The following RBFOX3 variants were observed in gnomAD, a reference collection of about 807,000 sequenced individuals.
RBFOX3 encodes the protein RNA binding protein fox-1 homolog 3.
A neutral mutation model predicts 48.7 loss-of-function variants in RBFOX3; 17 were observed. The observed-to-expected ratio is 0.35, with a 90% CI of 0.24 to 0.52. RBFOX3 has a LOEUF of 0.52. Among genes scored for constraint, RBFOX3 ranks in the 20% least tolerant of loss-of-function variants. The pLI, the probability that RBFOX3 is intolerant of heterozygous loss-of-function variation, is 0.94. For synonymous variants in RBFOX3, 212 were observed against 209.5 expected (o/e 1.01, Z -0.10); for missense variants, 382 against 497.5 (o/e 0.77, Z 2.21).
At chr17:79,310,552 A>T (rs538508574) in intron 2 of RBFOX3, among the ~76,000 whole-genome samples, 31 of 151,886 alleles carry the variant, frequency 2.0e-4, no homozygotes, top group African/African-American at 7.2e-4. Flanking sequence ...CTTCTAGGAC[A>T]GTCAGCAGTG....
At chr17:79,196,055 G>A (rs986191787) in intron 4 of RBFOX3, among the ~76,000 whole-genome samples, 4 of 152,278 alleles carry the variant, frequency 2.6e-5, no homozygotes, top group Admixed American at 1.3e-4. Context: ...GAAGGAAGTG[G>A]GAGGGTGAAT....
At chr17:79,187,540 T>TG (rs1386522300) in intron 4 of RBFOX3, among the ~76,000 whole-genome samples, 1 of 151,842 alleles carries the variant, frequency 6.6e-6, no homozygotes, top group Non-Finnish European at 1.5e-5. Flanking sequence ...GCATGAGCAC[T>TG]GGGGGACGAA....
At chr17:79,518,059 C>T (rs1452493145) in intron 1 of RBFOX3, among the ~76,000 whole-genome samples, 3 of 152,312 alleles carry the variant, frequency 2.0e-5, no homozygotes, top group Non-Finnish European at 2.9e-5. Context: ...CTACATCCTC[C>T]GTCTCTCCCC....
chr17:79,594,558 A>G (rs895009058), intron 1 of RBFOX3, among the ~76,000 whole-genome samples: 4 of 151,950 alleles, frequency 2.6e-5, no homozygotes, highest in Middle Eastern at 3.4e-3. Context: ...CGCAGGGAGG[A>G]CTCGAGCCAC....
rs116206947 is a variant in RBFOX3 at position 79,146,462 on chromosome 17, C to A, written c.-33-30714G>T. Among the ~76,000 whole-genome samples the A allele has an allele frequency of 1.2e-3, 182 of 152,348 alleles. 1 individual carries two copies. Among genetic ancestry groups the A allele is most frequent in the African/African-American group, 4.1e-3 (170 of 41,582 alleles). On this transcript the variant is annotated intron_variant, in intron 4 of 14. Coordinates refer to ENST00000693108, the MANE Select transcript of RBFOX3 (RefSeq NM_001350451.2). ...AATGGGTGTTGCTTGGACTTGAACT[C>A]AAGACCTGGGTTTAGTCTTAGCCCT...
intron 4 of RBFOX3, among the ~76,000 whole-genome samples, chr17:79,148,102 A>G (rs1010416120): frequency 6.6e-6 from 1 of 152,218 alleles, no homozygotes; most frequent in African/African-American, 2.4e-5. Context: ...GTGCGGCCCT[A>G]AAGACCCAGA....
At chr17:79,539,808 T>C (rs1555789677) in intron 1 of RBFOX3, among the ~76,000 whole-genome samples, 2 of 152,242 alleles carry the variant, frequency 1.3e-5, no homozygotes, top group African/African-American at 4.8e-5. Flanking sequence ...CTCTCTATGC[T>C]ATTACAGGTA....
chr17:79,509,525 A>G (rs1598990727), intron 1 of RBFOX3, among the ~76,000 whole-genome samples: 1 of 152,118 alleles, frequency 6.6e-6, no homozygotes, highest in Non-Finnish European at 1.5e-5. Flanking sequence ...GCAGGCAGGC[A>G]CTTGTATCGT....
At chr17:79,173,890 GC>G (rs1337250496) in intron 4 of RBFOX3, among the ~76,000 whole-genome samples, 4 of 138,978 alleles carry the variant, frequency 2.9e-5, no homozygotes, top group Non-Finnish European at 6.3e-5. Context: ...CTTTGCACAC[GC>G]CACGTGCTGA....
intron 4 of RBFOX3, among the ~76,000 whole-genome samples, chr17:79,126,665 A>G (rs746631884): frequency 3.9e-5 from 6 of 152,130 alleles, no homozygotes; most frequent in Non-Finnish European, 7.3e-5. Context: ...TCTGGCTGCA[A>G]TTGAGCACCC....
At chr17:79,500,229 G>C (rs1483227439) in intron 1 of RBFOX3, among the ~76,000 whole-genome samples, 1 of 148,214 alleles carries the variant, frequency 6.7e-6, no homozygotes, top group African/African-American at 2.5e-5. Flanking sequence ...ACACAGACTT[G>C]TGAACCATAA....
chr17:79,210,152 G>T (rs1468401722), intron 4 of RBFOX3, among the ~76,000 whole-genome samples: 1 of 152,238 alleles, frequency 6.6e-6, no homozygotes, highest in African/African-American at 2.4e-5. Flanking sequence ...ACCTGCCTGG[G>T]GGGAGGGATA....
chr17:79,546,580 C>T (rs561288254), intron 1 of RBFOX3, among the ~76,000 whole-genome samples: 19 of 149,416 alleles, frequency 1.3e-4, no homozygotes, highest in Non-Finnish European at 2.1e-4. Context: ...ATCCATCTGA[C>T]GGCTTCCCAG....
In RBFOX3 at chr17:79,204,348, G is replaced by A. The variant is rs557010962; in HGVS notation, c.-34+31418C>T. On this transcript the variant is annotated intron_variant, in intron 4 of 14. Coordinates refer to ENST00000693108, the MANE Select transcript of RBFOX3 (RefSeq NM_001350451.2). This position sits in a 1 kb window ranked among gnomAD's most constrained non-coding sequence, Gnocchi z 4.5. Reference sequence around the variant, plus strand: ...CAGCGGGTGCCGGGGAGCAGGGGGCGTAGGTGGGGTTGGGGCAGAATGTAA... The same window carrying A: ...CAGCGGGTGCCGGGGAGCAGGGGGCATAGGTGGGGTTGGGGCAGAATGTAA... Among the ~76,000 whole-genome samples, 2 of 152,162 alleles carry A rather than the reference G, an allele frequency of 1.3e-5. No individual in the cohort carries two copies. Among genetic ancestry groups the A allele is most frequent in the African/African-American group, 2.4e-5 (1 of 41,434 alleles).
chr17:79,350,148 G>A (rs910403772), intron 2 of RBFOX3, among the ~76,000 whole-genome samples: 2 of 152,176 alleles, frequency 1.3e-5, no homozygotes, highest in Non-Finnish European at 1.5e-5. Context: ...CCCCCTGTCC[G>A]TGGCATTGTC....
intron 4 of RBFOX3, among the ~76,000 whole-genome samples, chr17:79,196,236 C>CTA (rs2055564889): frequency 6.6e-6 from 1 of 152,096 alleles, no homozygotes; most frequent in Admixed American, 6.6e-5. Context: ...AGACTGTAGT[C>CTA]CCGCATCTCC....
At chr17:79,430,885 T>C (rs1555728074) in intron 2 of RBFOX3, among the ~76,000 whole-genome samples, 1 of 152,194 alleles carries the variant, frequency 6.6e-6, no homozygotes, top group African/African-American at 2.4e-5. Flanking sequence ...CAAAAGACTG[T>C]CATAAGATCA....
chr17:79,227,660 C>T (rs1170485849), intron 4 of RBFOX3, among the ~76,000 whole-genome samples: 1 of 152,148 alleles, frequency 6.6e-6, no homozygotes, highest in Non-Finnish European at 1.5e-5. Flanking sequence ...AACTGGAGCA[C>T]ATGTGATGGC....
chr17:79,097,843 G>T, intron 9 of RBFOX3, 98 bp from the exon 10 acceptor site: 1 of 1,338,122 alleles, frequency 7.5e-7, no homozygotes, highest in Non-Finnish European at 1.0e-6. Flanking sequence ...TGGAGCCCTT[G>T]GGAACATTCC....
Sources: gnomAD v4.1 joint callset for allele counts (sites outside exome capture counted in the v4.1 genomes callset) on GRCh38, gnomAD v4.1.1 for gene constraint, Gnocchi (gnomAD v3.1) non-coding constraint, MANE v1.5 for transcripts, NCBI Gene and HGNC (gene_info 2026-07-23, HGNC 2026-07-21) for gene names.